MAP2K4: variants seen among roughly 807,000 people sequenced by gnomAD.
The protein encoded by MAP2K4 is mitogen-activated protein kinase kinase 4, also known as dual specificity mitogen-activated protein kinase kinase 4.
MAP2K4 carries 4 observed loss-of-function variants against 48.5 expected under a neutral mutation model. That is an observed-to-expected ratio of 0.08 (90% CI 0.04 to 0.19). The LOEUF (loss-of-function observed/expected upper bound fraction) is 0.19, where lower values mean the gene tolerates loss of function less well. Ranked by LOEUF, MAP2K4 falls within the 10% of genes least tolerant of loss-of-function variation. The pLI is 1.00. For synonymous variants in MAP2K4, 166 were observed against 173.1 expected (o/e 0.96, Z 0.32); for missense variants, 258 against 493.3 (o/e 0.52, Z 4.52).
At chr17:12,140,278 C>T (rs1201066745) in intron 10 of MAP2K4, among the ~76,000 whole-genome samples, 2 of 152,126 alleles carry the variant, frequency 1.3e-5, no homozygotes, top group Non-Finnish European at 2.9e-5. Flanking sequence ...ATTCCCATTT[C>T]TTTGAAAGTT....
chr17:12,038,313 G>A (rs907655569), intron 1 of MAP2K4, among the ~76,000 whole-genome samples: 2 of 152,074 alleles, frequency 1.3e-5, no homozygotes, highest in Non-Finnish European at 2.9e-5. Flanking sequence ...AGGCAAAAAT[G>A]TACAGTTAAT....
At chr17:12,041,479 C>T (rs1411527141) in intron 1 of MAP2K4, among the ~76,000 whole-genome samples, 3 of 152,138 alleles carry the variant, frequency 2.0e-5, no homozygotes, top group Non-Finnish European at 4.4e-5. Flanking sequence ...CAAAAGATCG[C>T]CACGTCTTAT....
At chr17:12,069,871 C>T (rs1331936270) in intron 2 of MAP2K4, 1 of 335,228 alleles carries the variant, frequency 3.0e-6, no homozygotes, top group Non-Finnish European at 5.7e-6. Context: ...CTTTATTTTC[C>T]TGTCTAAGGA....
At chr17:12,046,033 T>C (rs1326843923) in intron 1 of MAP2K4, among the ~76,000 whole-genome samples, 1 of 152,174 alleles carries the variant, frequency 6.6e-6, no homozygotes, top group Non-Finnish European at 1.5e-5. Flanking sequence ...TGTATAGCAA[T>C]AGTGTTTCTG....
At chr17:12,021,733 A>AG (rs1300258682) in intron 1 of MAP2K4, among the ~76,000 whole-genome samples, 40 of 116,958 alleles carry the variant, frequency 3.4e-4, no homozygotes, top group Admixed American at 2.4e-3. Context: ...GCGTGCAGGA[A>AG]GAAAAAAAAA....
chr17:12,055,984 T>C (rs1454003395), intron 2 of MAP2K4, among the ~76,000 whole-genome samples: 1 of 152,118 alleles, frequency 6.6e-6, no homozygotes, highest in Non-Finnish European at 1.5e-5. Context: ...AGTCCCACTC[T>C]TTTTACCTTC....
At chr17:12,045,584 T>TA (rs1218288633) in intron 1 of MAP2K4, among the ~76,000 whole-genome samples, 2 of 152,202 alleles carry the variant, frequency 1.3e-5, no homozygotes, top group African/African-American at 4.8e-5. Context: ...AGATTGCTAC[T>TA]AAAAAAATAA....
intron 7 of MAP2K4, among the ~76,000 whole-genome samples, chr17:12,116,505 T>G (rs924598487): frequency 1.3e-5 from 2 of 152,206 alleles, no homozygotes; most frequent in Non-Finnish European, 2.9e-5. Flanking sequence ...AAAAATTTTT[T>G]TTACTTTTTT....
intron 1 of MAP2K4, among the ~76,000 whole-genome samples, chr17:12,044,630 C>G (rs2151518816): frequency 6.6e-6 from 1 of 152,308 alleles, no homozygotes; most frequent in East Asian, 1.9e-4. Context: ...GGATTTCTCC[C>G]CACTAGCAAA....
At chr17:12,077,542 T>C (rs1438869195) in intron 2 of MAP2K4, among the ~76,000 whole-genome samples, 7 of 152,214 alleles carry the variant, frequency 4.6e-5, no homozygotes, top group Non-Finnish European at 4.4e-5. Flanking sequence ...AATGCTATTT[T>C]CTGCTCCATC....
intron 2 of MAP2K4, among the ~76,000 whole-genome samples, chr17:12,062,411 T>C (rs893502014): frequency 6.6e-6 from 1 of 152,196 alleles, no homozygotes; most frequent in African/African-American, 2.4e-5. Flanking sequence ...CATAGCTCGC[T>C]GCAGTCTTGA....
chr17:12,047,173 TCCTTGACAGTAGAG>T (rs1386897350), intron 1 of MAP2K4, among the ~76,000 whole-genome samples: 2 of 152,138 alleles, frequency 1.3e-5, no homozygotes, highest in African/African-American at 4.8e-5. Context: ...GTTTTTTTTT[TCCTTGACAGTAGAG>T]CCTCTGAGGC....
intron 3 of MAP2K4, among the ~76,000 whole-genome samples, chr17:12,083,543 G>C (rs574418959): frequency 6.6e-6 from 1 of 152,310 alleles, no homozygotes; most frequent in South Asian, 2.1e-4. Context: ...ATAGCAGTTG[G>C]GGATGGGAGA....
chr17:12,136,486 T>A (rs1324048312), intron 9 of MAP2K4, among the ~76,000 whole-genome samples: 2 of 152,360 alleles, frequency 1.3e-5, no homozygotes, highest in East Asian at 3.9e-4. Flanking sequence ...TTTGAGATGC[T>A]GGAAATGTCC....
intron 1 of MAP2K4, among the ~76,000 whole-genome samples, chr17:12,041,631 A>G (rs575221393): frequency 6.6e-6 from 1 of 152,304 alleles, no homozygotes; most frequent in Admixed American, 6.5e-5. Flanking sequence ...CATAACATCC[A>G]GTTATACATA....
chr17:12,069,716 TA>T, intron 2 of MAP2K4: 1 of 1,058,098 alleles, frequency 9.5e-7, no homozygotes, highest in South Asian at 3.0e-5. Context: ...GTTTCCATGG[TA>T]ACTGACAGAC....
At chr17:12,126,482 T>A (rs1972857679) in intron 8 of MAP2K4, among the ~76,000 whole-genome samples, 1 of 152,180 alleles carries the variant, frequency 6.6e-6, no homozygotes, top group Non-Finnish European at 1.5e-5. Context: ...ACTGACAGAT[T>A]TGGTGGCTAG....
intron 9 of MAP2K4, among the ~76,000 whole-genome samples, chr17:12,129,977 AT>A (rs1447035023): frequency 3.3e-5 from 5 of 152,152 alleles, no homozygotes; most frequent in Non-Finnish European, 7.4e-5. Flanking sequence ...TTGTGTTATC[AT>A]TTGGATATTT....
intron 1 of MAP2K4, among the ~76,000 whole-genome samples, chr17:12,050,860 G>A (rs1036274743): frequency 6.6e-6 from 1 of 152,126 alleles, no homozygotes; most frequent in Non-Finnish European, 1.5e-5. Flanking sequence ...CAGTGAATGT[G>A]GATACACTTG....
Sources: gnomAD v4.1 joint callset for allele counts (sites outside exome capture counted in the v4.1 genomes callset) on GRCh38, gnomAD v4.1.1 for gene constraint, MANE v1.5 for transcripts, NCBI Gene and HGNC (gene_info 2026-07-23, HGNC 2026-07-21) for gene names.